The following KLHDC4 variants were observed in gnomAD, a reference collection of about 807,000 sequenced individuals.
The protein encoded by KLHDC4 is kelch domain containing 4, also known as kelch domain-containing protein 4.
KLHDC4 carries 90 observed loss-of-function variants against 62.4 expected under a neutral mutation model. The observed-to-expected ratio is 1.44, with a 90% CI of 1.22 to 1.72. KLHDC4 has a LOEUF of 1.72. KLHDC4 is among the 40% of genes most tolerant of loss of function. KLHDC4 has a pLI of 0.00. For missense variants in KLHDC4, 1,025 were observed against 699.7 expected, an observed-to-expected ratio of 1.47 and a Z score of -5.25; for synonymous variants, 386 against 284.4, an observed-to-expected ratio of 1.36 and a Z score of -3.59.
At chr16:87,708,699 C>T (rs563375424) in intron 10 of KLHDC4, among the ~76,000 whole-genome samples, 3 of 152,340 alleles carry the variant, frequency 2.0e-5, no homozygotes, top group East Asian at 1.9e-4. Flanking sequence ...ACCCCCATAA[C>T]GGAGCGGCTG....
At chr16:87,707,287 C>A (rs889681872), downstream of KLHDC4, among the ~76,000 whole-genome samples, 1 of 152,222 alleles carries the variant, frequency 6.6e-6, no homozygotes, top group Non-Finnish European at 1.5e-5. Context: ...CATGTGGGGA[C>A]GTTGGGAGCC....
chr16:87,749,980 C>T (rs375537733), intron 4 of KLHDC4, among the ~76,000 whole-genome samples: 53 of 152,272 alleles, frequency 3.5e-4, no homozygotes, highest in African/African-American at 1.2e-3. Context: ...CAAAGCACTC[C>T]GGCAGCAGGG....
chr16:87,765,258 G>C, intron 1 of KLHDC4: 1 of 456,064 alleles, frequency 2.2e-6, no homozygotes, highest in Non-Finnish European at 4.4e-6. Context: ...CAGCTGCTAC[G>C]GGATACCCCG....
At chr16:87,760,333 C>T (rs751400918) in intron 2 of KLHDC4, among the ~76,000 whole-genome samples, 9 of 151,298 alleles carry the variant, frequency 5.9e-5, no homozygotes, top group Non-Finnish European at 1.2e-4. Context: ...CAGGGCCGGG[C>T]ACGGTGGCTC....
At position 87,763,903 on chromosome 16, in the gene KLHDC4, T is replaced by C. The variant is rs548072187; in HGVS notation, c.100-1863A>G. Among the ~76,000 whole-genome samples, 7 of 152,172 alleles carry C rather than the reference T, an allele frequency of 4.6e-5. No homozygotes were observed. The South Asian group carries it at 1.0e-3, about 23-fold the overall frequency. On this transcript the variant is annotated intron_variant, in intron 1 of 11. Coordinates refer to ENST00000270583, the MANE Select transcript of KLHDC4 (RefSeq NM_017566.4). ...AAAAGACGACTCAGACGGAGTATGG[T>C]TGGGGTATAGGTAAGACCACAGACA... is the stretch of plus-strand genomic sequence containing the variant.
chr16:87,732,308 C>G lies in KLHDC4; in HGVS notation c.507-1664G>C, dbSNP rs181737087. ...ATGGGGTTTCATCATATTGGTCAGG[C>G]TGGTCTCGAACTCCTGACCTCAGGT... On this transcript the variant is annotated intron_variant, in intron 5 of 11. Coordinates refer to ENST00000270583, the MANE Select transcript of KLHDC4 (RefSeq NM_017566.4). Among the ~76,000 whole-genome samples, 77 of 152,126 alleles carry G rather than the reference C, an allele frequency of 5.1e-4. 1 individual carries two copies. The highest frequency in any genetic ancestry group is 1.8e-3 in the African/African-American group (76 of 41,498).
intron 5 of KLHDC4, among the ~76,000 whole-genome samples, chr16:87,745,243 G>C (rs1375495977): frequency 1.3e-5 from 2 of 152,046 alleles, no homozygotes; most frequent in African/African-American, 2.4e-5. Flanking sequence ...ACCCGCCCTG[G>C]GGCCGGCCAT....
chr16:87,760,273 T>C (rs76335983), intron 2 of KLHDC4, among the ~76,000 whole-genome samples: 6,344 of 147,662 alleles, frequency 0.043, 262 homozygotes, highest in East Asian at 0.16. Flanking sequence ...TACGGTGACT[T>C]GAGCCCAGGA....
At chr16:87,736,865 C>T (rs1344238452) in intron 5 of KLHDC4, among the ~76,000 whole-genome samples, 4 of 152,044 alleles carry the variant, frequency 2.6e-5, no homozygotes, top group African/African-American at 9.7e-5. Flanking sequence ...TGGCTCACGC[C>T]TGTAATCCCA....
chr16:87,702,479 C>T (rs2034189844), exon 1 of KLHDC4: 1 of 360,964 alleles, frequency 2.8e-6, no homozygotes, highest in African/African-American at 2.1e-5. Flanking sequence ...GTAGCCACAT[C>T]AGAGCACACT....
chr16:87,752,493 C>T (rs1220723373), intron 4 of KLHDC4, among the ~76,000 whole-genome samples: 3 of 151,884 alleles, frequency 2.0e-5, no homozygotes, highest in African/African-American at 2.4e-5. Context: ...CGCGCCACGA[C>T]GCCCAGGTAA....
intron 4 of KLHDC4, among the ~76,000 whole-genome samples, chr16:87,754,729 C>A (rs916822052): frequency 6.6e-6 from 1 of 152,220 alleles, no homozygotes; most frequent in Non-Finnish European, 1.5e-5. Context: ...AGAGCGACAG[C>A]TGACACTGCT....
At chr16:87,711,800 G>A (rs1480970079) in intron 8 of KLHDC4, among the ~76,000 whole-genome samples, 4 of 152,188 alleles carry the variant, frequency 2.6e-5, no homozygotes, top group East Asian at 1.9e-4. Context: ...GGGACCCTCC[G>A]CCCGGCACGG....
chr16:87,749,867 C>A (rs1017172794), intron 4 of KLHDC4, among the ~76,000 whole-genome samples: 1 of 152,230 alleles, frequency 6.6e-6, no homozygotes, highest in African/African-American at 2.4e-5. Flanking sequence ...CACGAACCAC[C>A]ACACCCAGCC....
intron 5 of KLHDC4, among the ~76,000 whole-genome samples, chr16:87,735,036 T>TC (rs138455023): frequency 0.18 from 12,592 of 71,940 alleles, 1,059 homozygotes; most frequent in African/African-American, 0.34. Flanking sequence ...CGACGCCCCC[T>TC]CCCCCCCAGA....
At chr16:87,740,183 G>C (rs948578133) in intron 5 of KLHDC4, among the ~76,000 whole-genome samples, 2 of 152,160 alleles carry the variant, frequency 1.3e-5, no homozygotes, top group Non-Finnish European at 2.9e-5. Flanking sequence ...GTGGCAGGCA[G>C]ACCTAACCAA....
chr16:87,713,199 A>G (rs938612843), intron 8 of KLHDC4, among the ~76,000 whole-genome samples: 18 of 149,644 alleles, frequency 1.2e-4, no homozygotes, highest in East Asian at 5.9e-4. Context: ...ACCTGGCTAC[A>G]TATTTTTTTT....
chr16:87,717,525 T>G (rs1355042052), intron 7 of KLHDC4, among the ~76,000 whole-genome samples: 2 of 152,234 alleles, frequency 1.3e-5, no homozygotes, highest in Non-Finnish European at 2.9e-5. Context: ...TCTCAGGAAG[T>G]GAAAACTGAG....
In KLHDC4 at chr16:87,761,828, G is replaced by A. The variant is rs946780002; in HGVS notation, c.191+121C>T. 4.9e-5 allele frequency: 47 copies of A among 968,020 alleles called. No homozygotes were observed. The South Asian group carries it at 6.1e-4, about 13-fold the overall frequency. 60.0% of individuals were successfully genotyped at this position (968,020 alleles called of 1,614,324 possible). A position where few individuals can be genotyped will look rare whatever the true frequency, so the allele number is the denominator to read the frequency against. ...TTCAGCAGAAAGTGACCAAGAACAGGTTTTAATAATGAAAATGTCCCAAGT... is the reference window on the plus strand; with the variant it reads ...TTCAGCAGAAAGTGACCAAGAACAGATTTTAATAATGAAAATGTCCCAAGT... On this transcript the variant is annotated intron_variant, in intron 2 of 11. Coordinates refer to ENST00000270583, the MANE Select transcript of KLHDC4 (RefSeq NM_017566.4).
Sources: gnomAD v4.1 joint callset for allele counts (sites outside exome capture counted in the v4.1 genomes callset) on GRCh38, gnomAD v4.1.1 for gene constraint, MANE v1.5 for transcripts, NCBI Gene and HGNC (gene_info 2026-07-23, HGNC 2026-07-21) for gene names.